The following SUGCT variants were observed in gnomAD, a reference collection of about 807,000 sequenced individuals.
The protein encoded by SUGCT is succinyl-CoA:glutarate-CoA transferase, also known as succinyl-CoA:glutarate CoA-transferase.
A neutral mutation model predicts 55.0 loss-of-function variants in SUGCT; 41 were observed. That is an observed-to-expected ratio of 0.74 (90% CI 0.58 to 0.97). SUGCT has a LOEUF of 0.97. SUGCT is among the 50% of genes least tolerant of loss of function. The probability of loss-of-function intolerance (pLI) is 0.00; values close to 1 mark genes in which losing one functional copy is unlikely to be tolerated. For synonymous variants in SUGCT, 187 were observed against 200.4 expected, an observed-to-expected ratio of 0.93 and a Z score of 0.56; for missense variants, 568 against 547.8, an observed-to-expected ratio of 1.04 and a Z score of -0.37.
the SUGCT span, among the ~76,000 whole-genome samples, chr7:40,898,554 T>G: frequency 1.5e-4 from 20 of 135,556 alleles, no homozygotes; most frequent in African/African-American, 4.7e-4. Flanking sequence ...AAACCCCAGA[T>G]CTACTAAAAA....
the SUGCT span, among the ~76,000 whole-genome samples, chr7:41,017,126 T>C: frequency 3.9e-5 from 6 of 152,218 alleles, no homozygotes; most frequent in African/African-American, 1.4e-4. Context: ...AGAAATCATG[T>C]TCTTCAACCT....
At chr7:40,527,623 A>C (rs958882935) in intron 12 of SUGCT, among the ~76,000 whole-genome samples, 1 of 152,164 alleles carries the variant, frequency 6.6e-6, no homozygotes, top group African/African-American at 2.4e-5. Flanking sequence ...AATAATTTCT[A>C]TTTTTGGATT....
chr7:40,770,084 C>T (rs559840368), intron 13 of SUGCT, among the ~76,000 whole-genome samples: 17 of 152,188 alleles, frequency 1.1e-4, no homozygotes, highest in Admixed American at 2.6e-4. Flanking sequence ...GATACTTTTC[C>T]ATCTACTTCC....
intron 9 of SUGCT, among the ~76,000 whole-genome samples, chr7:40,390,916 G>C (rs551034919): frequency 5.9e-5 from 9 of 152,276 alleles, no homozygotes; most frequent in South Asian, 2.1e-4. Flanking sequence ...AAACAGCATG[G>C]TACTGGTACC....
intron 13 of SUGCT, among the ~76,000 whole-genome samples, chr7:40,778,267 G>T (rs947284751): frequency 6.6e-6 from 1 of 152,136 alleles, no homozygotes; most frequent in Non-Finnish European, 1.5e-5. Flanking sequence ...GCACCCTTGG[G>T]GTGTGAGAAT....
chr7:40,168,267 C>G (rs1344253123), intron 1 of SUGCT, among the ~76,000 whole-genome samples: 1 of 152,072 alleles, frequency 6.6e-6, no homozygotes, highest in Non-Finnish European at 1.5e-5. Flanking sequence ...GGGAGGTTGG[C>G]CAATGACCAC....
chr7:40,513,171 G>A (rs191865471), intron 12 of SUGCT, among the ~76,000 whole-genome samples: 106 of 152,176 alleles, frequency 7.0e-4, no homozygotes, highest in Admixed American at 2.1e-3. Context: ...ATCATACATC[G>A]TGTGATTTTT....
intron 12 of SUGCT, 104 bp from the exon 13 acceptor site, chr7:40,749,330 C>T (rs1787890695): frequency 4.6e-6 from 4 of 871,006 alleles, no homozygotes; most frequent in East Asian, 2.4e-5. Context: ...TGTGTTTTGC[C>T]ATATCTTTCT....
At chr7:40,802,452 G>T (rs1446328517) in intron 13 of SUGCT, among the ~76,000 whole-genome samples, 1 of 152,094 alleles carries the variant, frequency 6.6e-6, no homozygotes, top group Non-Finnish European at 1.5e-5. Flanking sequence ...TACATTTACT[G>T]TGTATTCTGA....
At chr7:41,012,203 C>A in the SUGCT span, among the ~76,000 whole-genome samples, 66 of 152,258 alleles carry the variant, frequency 4.3e-4, no homozygotes, top group African/African-American at 1.5e-3. Context: ...CTCTCCCTCC[C>A]CCTGTGTCTT....
intron 12 of SUGCT, among the ~76,000 whole-genome samples, chr7:40,527,802 A>G (rs1793882781): frequency 6.6e-6 from 1 of 152,206 alleles, no homozygotes; most frequent in Non-Finnish European, 1.5e-5. Context: ...GAAAGACCCA[A>G]TGATCAGGTC....
At chr7:40,890,581 T>C in the SUGCT span, among the ~76,000 whole-genome samples, 1 of 151,920 alleles carries the variant, frequency 6.6e-6, no homozygotes. Flanking sequence ...ACCTGCTGAC[T>C]CAGGCATCAG....
the SUGCT span, among the ~76,000 whole-genome samples, chr7:40,939,068 C>T: frequency 1.3e-5 from 2 of 152,058 alleles, no homozygotes; most frequent in East Asian, 3.9e-4. Context: ...TGATAAAGAC[C>T]CGAGACAGGG....
intron 6 of SUGCT, among the ~76,000 whole-genome samples, chr7:40,223,422 T>C (rs1327205328): frequency 2.0e-5 from 3 of 152,210 alleles, no homozygotes; most frequent in African/African-American, 4.8e-5. Flanking sequence ...CTGATTCCAT[T>C]GAGTGACGAA....
chr7:40,835,891 T>G (rs933714364), intron 13 of SUGCT, among the ~76,000 whole-genome samples: 2 of 138,738 alleles, frequency 1.4e-5, no homozygotes, highest in East Asian at 3.9e-4. Flanking sequence ...CTTTTTTTTC[T>G]TTTTTTTTTT....
intron 8 of SUGCT, among the ~76,000 whole-genome samples, chr7:40,287,642 A>G (rs1793442907): frequency 6.6e-6 from 1 of 151,938 alleles, no homozygotes; most frequent in South Asian, 2.1e-4. Context: ...GACTACACGC[A>G]TATGCCATCA....
intron 12 of SUGCT, among the ~76,000 whole-genome samples, chr7:40,649,777 G>A (rs1800686978): frequency 6.6e-6 from 1 of 152,136 alleles, no homozygotes; most frequent in South Asian, 2.1e-4. Context: ...TGTCCATATG[G>A]TAGAAATTTC....
At chr7:40,743,276 T>C (rs1172066277) in intron 12 of SUGCT, among the ~76,000 whole-genome samples, 1 of 152,204 alleles carries the variant, frequency 6.6e-6, no homozygotes. Context: ...AACAGTTTTG[T>C]GTCTAGAGAA....
intron 9 of SUGCT, among the ~76,000 whole-genome samples, chr7:40,372,268 T>C (rs1784330952): frequency 6.6e-6 from 1 of 152,084 alleles, no homozygotes; most frequent in Non-Finnish European, 1.5e-5. Flanking sequence ...ATCTGGAATT[T>C]TGAAGACTGA....
Sources: allele counts gnomAD v4.1 joint callset (sites outside exome capture counted in the v4.1 genomes callset), GRCh38; gene constraint gnomAD v4.1.1; transcripts MANE v1.5; gene names NCBI Gene and HGNC (gene_info 2026-07-23, HGNC 2026-07-21).